The following ZC3H12B variants were observed in gnomAD, a reference collection of about 807,000 sequenced individuals.
The protein encoded by ZC3H12B is zinc finger CCCH-type containing 12B.
ZC3H12B carries 7 observed loss-of-function variants against 43.9 expected under a neutral mutation model. The ratio of observed to expected loss-of-function variants is 0.16; its 90% CI spans 0.09 to 0.30. The LOEUF (loss-of-function observed/expected upper bound fraction) is 0.30. Ranked by LOEUF, ZC3H12B falls within the 10% of genes least tolerant of loss-of-function variation. The probability of loss-of-function intolerance (pLI) is 1.00; values close to 1 mark genes in which losing one functional copy is unlikely to be tolerated. For missense variants in ZC3H12B, 475 were observed against 670.2 expected, an observed-to-expected ratio of 0.71 and a Z score of 3.22; for synonymous variants, 222 against 241.7, an observed-to-expected ratio of 0.92 and a Z score of 0.76.
intron 2 of ZC3H12B, among the ~76,000 whole-genome samples, chrX:65,369,270 G>A (rs1315822698): frequency 9.0e-6 from 1 of 111,265 alleles, no homozygotes; most frequent in African/African-American, 3.3e-5. Flanking sequence ...TATCACTTGT[G>A]GAACTTTACA....
chrX:65,395,657 T>G (rs768062259), intron 2 of ZC3H12B, among the ~76,000 whole-genome samples: 3 of 111,883 alleles, frequency 2.7e-5, no homozygotes, highest in Non-Finnish European at 5.6e-5. Flanking sequence ...TTGTTGTTGT[T>G]GTGTCTTTGC....
the ZC3H12B span, among the ~76,000 whole-genome samples, chrX:65,161,104 G>C: frequency 2.7e-5 from 3 of 111,361 alleles, no homozygotes; most frequent in African/African-American, 9.9e-5. Flanking sequence ...GTTCTAGTTT[G>C]ATTGCACTGT....
chrX:65,452,782 A>T (rs1405348435), intron 3 of ZC3H12B, among the ~76,000 whole-genome samples: 1 of 109,435 alleles, frequency 9.1e-6, no homozygotes, highest in Non-Finnish European at 1.9e-5. Context: ...TGGAGGTTAC[A>T]GCAAGCCAAG....
At chrX:65,230,901 A>G in the ZC3H12B span, among the ~76,000 whole-genome samples, 1 of 112,093 alleles carries the variant, frequency 8.9e-6, no homozygotes, top group South Asian at 3.7e-4. Flanking sequence ...TAACGCTGTA[A>G]TTTTGGTGTG....
At chrX:65,089,793 T>A in the ZC3H12B span, among the ~76,000 whole-genome samples, 10 of 111,796 alleles carry the variant, frequency 8.9e-5, no homozygotes, top group East Asian at 2.8e-4. Context: ...AACTTTTTTT[T>A]AAAAGCTAAG....
the ZC3H12B span, among the ~76,000 whole-genome samples, chrX:65,041,697 TTAG>T: frequency 2.7e-5 from 3 of 112,293 alleles, no homozygotes; most frequent in Admixed American, 9.4e-5. Context: ...AAAGTTACAC[TTAG>T]TAGTCTTTGT....
At chrX:65,475,119 C>T (rs937182216) in intron 3 of ZC3H12B, among the ~76,000 whole-genome samples, 2 of 112,318 alleles carry the variant, frequency 1.8e-5, no homozygotes, top group South Asian at 3.7e-4. Flanking sequence ...CACACACACA[C>T]TTTGTGTTCT....
chrX:65,045,649 C>G, the ZC3H12B span, among the ~76,000 whole-genome samples: 1 of 111,746 alleles, frequency 8.9e-6, no homozygotes, highest in South Asian at 3.7e-4. Flanking sequence ...GGATTGGATC[C>G]ACTTCTTTCA....
the ZC3H12B span, among the ~76,000 whole-genome samples, chrX:65,244,663 G>T: frequency 2.4e-4 from 23 of 94,768 alleles, no homozygotes; most frequent in African/African-American, 8.6e-4. Flanking sequence ...CTGGGAAATT[G>T]AGGCTGCAGT....
At chrX:65,240,259 G>A in the ZC3H12B span, among the ~76,000 whole-genome samples, 1 of 111,432 alleles carries the variant, frequency 9.0e-6, no homozygotes, top group African/African-American at 3.3e-5. Flanking sequence ...TTTTTTGGAG[G>A]TTTAGTTTGT....
the ZC3H12B span, among the ~76,000 whole-genome samples, chrX:65,106,159 T>C: frequency 9.0e-6 from 1 of 111,582 alleles, no homozygotes; most frequent in Non-Finnish European, 1.9e-5. Flanking sequence ...AAGAGAATAT[T>C]TTCATAAAGA....
the ZC3H12B span, among the ~76,000 whole-genome samples, chrX:65,282,342 T>A: frequency 9.0e-6 from 1 of 111,144 alleles, no homozygotes; most frequent in Non-Finnish European, 1.9e-5. Context: ...CAACAAAAAA[T>A]TAAGTGAAAT....
At chrX:65,471,004 C>T (rs2067904395) in intron 3 of ZC3H12B, among the ~76,000 whole-genome samples, 1 of 111,435 alleles carries the variant, frequency 9.0e-6, no homozygotes, top group Admixed American at 9.5e-5. Flanking sequence ...GTATATTCTG[C>T]AGTTTGGGGG....
the ZC3H12B span, chrX:65,356,895 G>T: frequency 2.7e-6 from 1 of 369,703 alleles, no homozygotes; most frequent in African/African-American, 2.6e-5. Flanking sequence ...CTCACACATG[G>T]ATAATTGAAG....
At chrX:65,451,043 G>T (rs1162736216) in intron 3 of ZC3H12B, among the ~76,000 whole-genome samples, 1 of 107,782 alleles carries the variant, frequency 9.3e-6, no homozygotes, top group Non-Finnish European at 1.9e-5. Flanking sequence ...CACCTCCTGG[G>T]TTCAAGCGAT....
At chrX:65,120,203 T>C in the ZC3H12B span, among the ~76,000 whole-genome samples, 3 of 112,188 alleles carry the variant, frequency 2.7e-5, no homozygotes, top group Admixed American at 2.8e-4. Context: ...GGTAGCTTAA[T>C]GGGGATTGCA....
chrX:65,364,700 A>G (rs2066150686), upstream of ZC3H12B, among the ~76,000 whole-genome samples: 2 of 111,492 alleles, frequency 1.8e-5, no homozygotes, highest in African/African-American at 6.5e-5. Flanking sequence ...GTTACAAGCC[A>G]CTAGCCCGCC....
At chrX:65,386,501 A>G (rs965392924) in intron 2 of ZC3H12B, among the ~76,000 whole-genome samples, 6 of 111,099 alleles carry the variant, frequency 5.4e-5, no homozygotes, top group African/African-American at 1.6e-4. Context: ...TATCCCCTTT[A>G]TCATTTTTTA....
the ZC3H12B span, among the ~76,000 whole-genome samples, chrX:65,255,089 T>A: frequency 8.0e-5 from 9 of 111,897 alleles, no homozygotes; most frequent in African/African-American, 2.3e-4. Flanking sequence ...CTGTGATTCA[T>A]CAACGTCCCT....
Sources: allele counts gnomAD v4.1 joint callset (sites outside exome capture counted in the v4.1 genomes callset), GRCh38; gene constraint gnomAD v4.1.1; transcripts MANE v1.5; gene names NCBI Gene and HGNC (gene_info 2026-07-23, HGNC 2026-07-21).